Variants in NEMF observed in about 807,000 individuals in gnomAD.
The protein encoded by NEMF is ribosome quality control complex subunit NEMF.
A neutral mutation model predicts 162.2 loss-of-function variants in NEMF; 89 were observed. The observed-to-expected ratio is 0.55, with a 90% CI of 0.46 to 0.65. The LOEUF (loss-of-function observed/expected upper bound fraction) is 0.65. Ranked by LOEUF, NEMF falls within the 30% of genes least tolerant of loss-of-function variation. The probability of loss-of-function intolerance (pLI) is 0.00; values close to 1 mark genes in which losing one functional copy is unlikely to be tolerated. For missense variants in NEMF, 1,133 were observed against 1,261.9 expected (o/e 0.90, Z 1.55); for synonymous variants, 421 against 404.5 (o/e 1.04, Z -0.49).
intron 10 of NEMF, among the ~76,000 whole-genome samples, chr14:49,831,647 G>C (rs1328111403): frequency 6.6e-6 from 1 of 152,106 alleles, no homozygotes; most frequent in Non-Finnish European, 1.5e-5. Context: ...GTGTTGGCCA[G>C]ACTGGTCTTG....
chr14:49,791,203 C>T (rs6572615), intron 26 of NEMF, among the ~76,000 whole-genome samples: 145,827 of 152,052 alleles, frequency 0.96, 70,197 homozygotes, highest in East Asian at 1. Context: ...GGTGTGGTGG[C>T]GTGTGCCTGT....
At chr14:49,836,024 C>A (rs150690523) in intron 6 of NEMF, among the ~76,000 whole-genome samples, 6 of 152,296 alleles carry the variant, frequency 3.9e-5, no homozygotes, top group African/African-American at 1.4e-4. Flanking sequence ...CCAAACTGAT[C>A]CACAGACTTA....
Position 49,783,314 on chromosome 14 carries a change from G to T in NEMF, c.*1322C>A. On this transcript the variant is annotated 3_prime_UTR_variant, in exon 33 of 33. Coordinates refer to ENST00000298310, the MANE Select transcript of NEMF (RefSeq NM_004713.6). ...CATTATAGATTTTTTTTTTTTTAAT[G>T]GCAAGAGTAGTCTATAGTTATGTAA... 1 of 154,576 alleles carries T rather than the reference G, an allele frequency of 6.5e-6. No individual in the cohort carries two copies. The highest frequency in any genetic ancestry group is 1.4e-5 in the Non-Finnish European group (1 of 71,234). The allele number at this position is 154,576 out of a possible 1,614,324, so 9.6% of individuals were successfully genotyped here.
At chr14:49,789,047 C>T (rs1890319139) in intron 28 of NEMF, 99 bp downstream of exon 28, 2 of 865,426 alleles carry the variant, frequency 2.3e-6, no homozygotes, top group Middle Eastern at 2.8e-4. Flanking sequence ...TAGGGTTACT[C>T]ACTTGTCTTG....
At chr14:49,787,640 C>G (rs1890238312) in intron 28 of NEMF, among the ~76,000 whole-genome samples, 1 of 152,220 alleles carries the variant, frequency 6.6e-6, no homozygotes, top group Non-Finnish European at 1.5e-5. Context: ...TACCATCACA[C>G]TGGGTATTTA....
At chr14:49,827,282 G>A (rs1470770010) in intron 15 of NEMF, among the ~76,000 whole-genome samples, 1 of 152,100 alleles carries the variant, frequency 6.6e-6, no homozygotes, top group Non-Finnish European at 1.5e-5. Context: ...CACCTCCCGG[G>A]TTCATTAGAT....
At chr14:49,793,951 G>T (rs1272313169) in intron 26 of NEMF, among the ~76,000 whole-genome samples, 1 of 151,250 alleles carries the variant, frequency 6.6e-6, no homozygotes, top group African/African-American at 2.4e-5. Flanking sequence ...AATTTTACTG[G>T]TGGTTCTTTA....
At chr14:49,797,677 T>C (rs981341465) in intron 25 of NEMF, among the ~76,000 whole-genome samples, 2 of 152,192 alleles carry the variant, frequency 1.3e-5, no homozygotes, top group Non-Finnish European at 2.9e-5. Context: ...CTGCCTTACA[T>C]AAAACTTTCC....
intron 3 of NEMF, among the ~76,000 whole-genome samples, chr14:49,848,516 ACC>A (rs1201426113): frequency 6.6e-6 from 1 of 152,122 alleles, no homozygotes; most frequent in Non-Finnish European, 1.5e-5. Context: ...TTTAGTTAAG[ACC>A]AATAAGAAAG....
chr14:49,840,619 A>G lies in NEMF; in HGVS notation c.506+99T>C, dbSNP rs139864683. 2,869 of 977,512 alleles carry G rather than the reference A, an allele frequency of 2.9e-3. 14 individuals carry two copies. The highest frequency in any genetic ancestry group is 0.015 in the Middle Eastern group (67 of 4,436). 60.6% of individuals were successfully genotyped at this position (977,512 alleles called of 1,614,324 possible). On this transcript the variant is annotated intron_variant, in intron 5 of 32. Coordinates refer to ENST00000298310, the MANE Select transcript of NEMF (RefSeq NM_004713.6). Reference sequence around the variant, plus strand: ...TCACAGTTCTTTCACGTTCTGACATATGACCCATTTTACCTTTTTTTTAAG... The same window carrying G: ...TCACAGTTCTTTCACGTTCTGACATGTGACCCATTTTACCTTTTTTTTAAG...
chr14:49,792,273 G>C (rs112324596), intron 26 of NEMF, among the ~76,000 whole-genome samples: 198 of 152,290 alleles, frequency 1.3e-3, no homozygotes, highest in African/African-American at 4.6e-3. Context: ...CTGGAGTGCA[G>C]TGCATGACCT....
chr14:49,794,993 C>T (rs976465707), intron 26 of NEMF, among the ~76,000 whole-genome samples: 1 of 152,046 alleles, frequency 6.6e-6, no homozygotes, highest in African/African-American at 2.4e-5. Flanking sequence ...GCTGAGATTA[C>T]ACGCATGAGC....
intron 26 of NEMF, among the ~76,000 whole-genome samples, chr14:49,792,555 G>A (rs1890501892): frequency 6.6e-6 from 1 of 152,062 alleles, no homozygotes; most frequent in Admixed American, 6.6e-5. Flanking sequence ...AGAAAAAGAG[G>A]GAAAGGTCCT....
rs1394096410 is a variant in NEMF, at chr14:49,814,872, G to A, written c.1578-15C>T. ...ATTTCTCAAACCTATCAAAATGAAA[G>A]AAAAAAAGTTAACTTTTCTTTATAG... is the stretch of plus-strand genomic sequence containing the variant. On this transcript the variant is annotated splice_polypyrimidine_tract_variant and intron_variant, in intron 16 of 32. Coordinates refer to ENST00000298310, the MANE Select transcript of NEMF (RefSeq NM_004713.6). 2 of 1,454,360 alleles carry A rather than the reference G, an allele frequency of 1.4e-6. No homozygotes were observed. Among genetic ancestry groups the A allele is most frequent in the African/African-American group, 2.9e-5 (2 of 68,944 alleles). The allele number at this position is 1,454,360 out of a possible 1,614,324, so 90.1% of individuals were successfully genotyped here.
chr14:49,828,457 G>T, intron 14 of NEMF, 103 bp from the exon 15 acceptor site: 2 of 968,788 alleles, frequency 2.1e-6, no homozygotes, highest in Non-Finnish European at 3.1e-6. Flanking sequence ...GAACAAATCA[G>T]AACAAACTGT....
chr14:49,841,294 G>A (rs1189455144), intron 4 of NEMF, among the ~76,000 whole-genome samples: 1 of 150,512 alleles, frequency 6.6e-6, no homozygotes, highest in Admixed American at 6.6e-5. Context: ...TGAGAAAGAA[G>A]CCGGGCATGG....
At chr14:49,844,737 G>GCGCACACACACA (rs753967398) in intron 4 of NEMF, 5 of 166,740 alleles carry the variant, frequency 3.0e-5, no homozygotes, top group African/African-American at 9.8e-5. Context: ...GCACGCGCGC[G>GCGCACACACACA]CACACACACA....
In NEMF at chr14:49,802,370, G is replaced by A. The variant is rs1890996121; in HGVS notation, c.2095+83C>T. The stretch of plus-strand genomic sequence containing the variant: ...TTTTTGAAATTTAGATTATCCCAAA[G>A]AGACATGATCTTCTAAGGATTTAGA... On this transcript the variant is annotated intron_variant, in intron 22 of 32. Transcript: ENST00000298310. 3.5e-6 allele frequency: 5 copies of A among 1,429,070 alleles called. No homozygotes were observed. The Admixed American group carries it at 8.3e-5, about 24-fold the overall frequency. 88.5% of individuals were successfully genotyped at this position (1,429,070 alleles called of 1,614,324 possible). A position where few individuals can be genotyped will look rare whatever the true frequency, so the allele number is the denominator to read the frequency against.
In NEMF at chr14:49,820,201, C is replaced by T. The variant is rs1005965179; in HGVS notation, c.1578-5344G>A. 9.6e-5 allele frequency: 28 copies of T among 291,070 alleles called. 1 individual carries two copies. The highest frequency in any genetic ancestry group is 2.8e-4 in the South Asian group (10 of 35,996). The allele number at this position is 291,070 out of a possible 1,614,324, so 18.0% of individuals were successfully genotyped here. A position where few individuals can be genotyped will look rare whatever the true frequency, so the allele number is the denominator to read the frequency against. On this transcript the variant is annotated intron_variant, in intron 16 of 32. Coordinates refer to ENST00000298310, the MANE Select transcript of NEMF (RefSeq NM_004713.6). ...TCCTGATCTTGTCATCTGCCCGCCT[C>T]GGCCTCCCAAAGTGCTGGGATAACA...
Sources: gnomAD v4.1 joint callset for allele counts (sites outside exome capture counted in the v4.1 genomes callset) on GRCh38, gnomAD v4.1.1 for gene constraint, MANE v1.5 for transcripts, NCBI Gene and HGNC (gene_info 2026-07-23, HGNC 2026-07-21) for gene names.